Variants in NOXO1 observed in about 807,000 individuals in gnomAD.
NOXO1 encodes NADPH oxidase organizer 1.
In NOXO1, 38 loss-of-function variants were observed where a neutral mutation model predicts 33.3. The observed-to-expected ratio is 1.14, with a 90% CI of 0.88 to 1.50. The LOEUF is 1.50. Among genes scored for constraint, NOXO1 ranks in the 40% most tolerant of loss-of-function variants. The probability of loss-of-function intolerance (pLI) is 0.00; values close to 1 mark genes in which losing one functional copy is unlikely to be tolerated. For synonymous variants in NOXO1, 302 were observed against 237.3 expected, an observed-to-expected ratio of 1.27 and a Z score of -2.51; for missense variants, 675 against 527.1, an observed-to-expected ratio of 1.28 and a Z score of -2.75.
chr16:1,978,955 G>T lies in NOXO1; in HGVS notation c.*97C>A. The T allele has an allele frequency of 1.3e-5, 16 of 1,250,278 alleles. No homozygotes were observed. The highest frequency in any genetic ancestry group is 1.5e-5 in the Non-Finnish European group (14 of 912,742). 77.4% of individuals were successfully genotyped at this position (1,250,278 alleles called of 1,614,324 possible). The stretch of plus-strand genomic sequence containing the variant: ...GCTTTACTCAGAGGAACAGCAAATG[G>T]CCCCCTCCCATCCCTGCTGGCCAGG... On this transcript the variant is annotated 3_prime_UTR_variant, in exon 8 of 8. Coordinates refer to ENST00000356120, the MANE Select transcript of NOXO1 (RefSeq NM_172167.3).
At chr16:1,979,715 C>G (rs1371593975) in intron 6 of NOXO1, 75 bp downstream of exon 6, 1 of 1,294,902 alleles carries the variant, frequency 7.7e-7, no homozygotes, top group Non-Finnish European at 1.0e-6. Context: ...CCGCCCTGCC[C>G]GCGGTGCTTC....
In NOXO1 at chr16:1,979,322, G is replaced by A. The variant is rs747996347; in HGVS notation, c.846C>T (p.Pro282=). The A allele has an allele frequency of 1.1e-5, 18 of 1,574,230 alleles. No homozygotes were observed. Among genetic ancestry groups the A allele is most frequent in the South Asian group, 9.1e-5 (8 of 87,664 alleles). Reference sequence around the variant, plus strand: ...GCCCTTCCGGCCGCAGCAGCACCGCGGGGAGTAGGCCCGCCCGGTCGCCGT... The same window carrying A: ...GCCCTTCCGGCCGCAGCAGCACCGCAGGGAGTAGGCCCGCCCGGTCGCCGT... ...CRYGDRAGLL[P]AVLLRPEGLG... is the part of the protein sequence containing the mutation. The change falls in exon 8 of 8, where the codon CCC becomes CCT. Residue 282 remains proline (P), a synonymous_variant. Coordinates refer to ENST00000356120, the MANE Select transcript of NOXO1 (RefSeq NM_172167.3).
rs2083458151 is a variant in NOXO1, at chr16:1,979,704, C to T, written c.700+86G>A. 2.4e-6 allele frequency: 3 copies of T among 1,252,272 alleles called. No individual in the cohort carries two copies. The Admixed American group carries it at 7.4e-5, about 31-fold the overall frequency. The allele number at this position is 1,252,272 out of a possible 1,614,324, so 77.6% of individuals were successfully genotyped here. On this transcript the variant is annotated intron_variant, in intron 6 of 7. Coordinates refer to ENST00000356120, the MANE Select transcript of NOXO1 (RefSeq NM_172167.3). ...GCGGAGACCAAGCACGGGCTCCTGGCCCGCCCTGCCCGCGGTGCTTCTGGC... is the reference window on the plus strand; with the variant it reads ...GCGGAGACCAAGCACGGGCTCCTGGTCCGCCCTGCCCGCGGTGCTTCTGGC...
In NOXO1 at chr16:1,979,538, G is replaced by A; in HGVS notation, c.705C>T (p.Pro235=). The A allele has an allele frequency of 1.2e-6, 2 of 1,608,622 alleles. No individual in the cohort carries two copies. The highest frequency in any genetic ancestry group is 1.7e-6 in the Non-Finnish European group (2 of 1,177,312). ...CGTAGGCGCGGGAAGCACAGAACTG[G>A]GGACCTGGTGGGAGTGGGTGTTTGG... ...EGGPSLGSSG[P]QFCASRAYES... The change falls in exon 7 of 8, where the codon CCC becomes CCT. Residue 235 remains proline (P), a synonymous_variant. Coordinates refer to ENST00000356120, the MANE Select transcript of NOXO1 (RefSeq NM_172167.3).
rs1415444036 is a variant in NOXO1 at position 1,979,774 on chromosome 16, G to A, written c.700+16C>T. On this transcript the variant is annotated intron_variant, in intron 6 of 7. Transcript: ENST00000356120. Reference sequence around the variant, plus strand: ...AAGCCGCAGTGGTGGCGTGAGGGGTGGGGTTAGGCGCATACCGCTGCTCCC... The same window carrying A: ...AAGCCGCAGTGGTGGCGTGAGGGGTAGGGTTAGGCGCATACCGCTGCTCCC... 1.3e-6 allele frequency: 2 copies of A among 1,497,872 alleles called. No individual in the cohort carries two copies. Among genetic ancestry groups the A allele is most frequent in the Non-Finnish European group, 1.8e-6 (2 of 1,114,434 alleles). 92.8% of individuals were successfully genotyped at this position (1,497,872 alleles called of 1,614,324 possible).
rs1398583932 is a variant in NOXO1 at position 1,981,331 on chromosome 16, C to A, written c.-152G>T. The A allele has an allele frequency of 2.1e-6, 3 of 1,444,904 alleles. No individual in the cohort carries two copies. The highest frequency in any genetic ancestry group is 2.9e-5 in the South Asian group (2 of 69,336). The allele number at this position is 1,444,904 out of a possible 1,614,324, so 89.5% of individuals were successfully genotyped here. A position where few individuals can be genotyped will look rare whatever the true frequency, so the allele number is the denominator to read the frequency against. On this transcript the variant is annotated 5_prime_UTR_variant, in exon 1 of 8. Transcript: ENST00000356120. ...TGGGGTCCTTGTGGAGCCGCCCCAG[C>A]TGAGTCCTTTGCAGCTTTCTTGCTG...
In NOXO1 at chr16:1,979,477, C is replaced by CCGCGGGCACGGACAGCT. The variant is rs774320338; in HGVS notation, c.749_765dup (p.Gly256SerfsTer46). On this transcript the variant is annotated frameshift_variant, in exon 7 of 8. Transcript: ENST00000356120. LOFTEE classifies it high-confidence loss of function. ...GTTTCCAACACGCGCACGCGCGCCCCCGCGGGCACGGACAGCTCATCTGCG... is the reference window on the plus strand; with the variant it reads ...GTTTCCAACACGCGCACGCGCGCCCCCGCGGGCACGGACAGCTCGCGGGCACGGACAGCTCATCTGCG... 6.2e-7 allele frequency: 1 copy of CCGCGGGCACGGACAGCT among 1,611,962 alleles called. No individual in the cohort carries two copies. Among genetic ancestry groups the CCGCGGGCACGGACAGCT allele is most frequent in the Non-Finnish European group, 8.5e-7 (1 of 1,179,564 alleles).
chr16:1,980,157 C>T lies in NOXO1; in HGVS notation c.426G>A (p.Glu142=), dbSNP rs898390107. The change falls in exon 5 of 8, where the codon GAG becomes GAA. Residue 142 remains glutamate, a synonymous_variant. Transcript: ENST00000356120. ...CCGCAGCGCGAGAAAGAGGCTGCTC[C>T]TCTGGGGTGGGCAGGATCACCCGGC... is the stretch of plus-strand genomic sequence containing the variant. The part of the protein sequence containing the change: ...PGSRVILPTP[E]EQPLSRAAGR... 4 of 1,604,220 alleles carry T rather than the reference C, an allele frequency of 2.5e-6. No individual in the cohort carries two copies. The highest frequency in any genetic ancestry group is 1.3e-5 in the African/African-American group (1 of 74,858).
At position 1,980,397 on chromosome 16, in the gene NOXO1, A is replaced by G. The variant is rs760731606; in HGVS notation, c.371T>C (p.Leu124Pro). The change falls in exon 4 of 8, where the codon CTG becomes CCG. Residue 124 changes from leucine (L) to proline (P), a missense_variant. Leu to Pro is a moderately conservative substitution (Grantham distance 98). Coordinates refer to ENST00000356120, the MANE Select transcript of NOXO1 (RefSeq NM_172167.3). ...GGGTGGCAGCGCGGGCTCCAGGTCC[A>G]GGGGTTGCGGTGCGAAGAAGCCAGT... ...TITGFFAPQP[L>P]DLEPALPPGS... The G allele has an allele frequency of 2.5e-6, 4 of 1,602,886 alleles. No homozygotes were observed. The highest frequency in any genetic ancestry group is 3.4e-6 in the Non-Finnish European group (4 of 1,179,734).
Position 1,979,312 on chromosome 16 carries a change from G to C in NOXO1, c.856C>G (p.Leu286Val), listed in dbSNP as rs202024453. ...AGAGCGCCCAGCCCTTCCGGCCGCA[G>C]CAGCACCGCGGGGAGTAGGCCCGCC... is the stretch of plus-strand genomic sequence containing the variant. ...DRAGLLPAVL[L>V]RPEGLGALLS... Residue 286 changes from leucine (L) to valine (V), a missense_variant, in exon 8 of 8, where the codon CTG becomes GTG. Leu to Val is a conservative substitution (Grantham distance 32). Coordinates refer to ENST00000356120, the MANE Select transcript of NOXO1 (RefSeq NM_172167.3). The C allele has an allele frequency of 4.0e-3, 6,294 of 1,572,220 alleles. 22 individuals carry two copies. Among genetic ancestry groups the C allele is most frequent in the Non-Finnish European group, 5.2e-3 (6,032 of 1,166,652 alleles).
rs749378489 is a variant in NOXO1, at chr16:1,979,531, A to C, written c.712T>G (p.Cys238Gly). The change falls in exon 7 of 8, where the codon TGT becomes GGT. Residue 238 changes from cysteine (C) to glycine (G), a missense_variant. Physicochemically the swap from Cys to Gly is radical, Grantham distance 159 (BLOSUM62 -3). Transcript: ENST00000356120. ...CTGCTCTCGTAGGCGCGGGAAGCACAGAACTGGGGACCTGGTGGGAGTGGG... is the reference window on the plus strand; with the variant it reads ...CTGCTCTCGTAGGCGCGGGAAGCACCGAACTGGGGACCTGGTGGGAGTGGG... ...PSLGSSGPQF[C>G]ASRAYESSRA... 6.2e-7 allele frequency: 1 copy of C among 1,610,080 alleles called. No individual in the cohort carries two copies. Among genetic ancestry groups the C allele is most frequent in the South Asian group, 1.1e-5 (1 of 90,774 alleles).
At chr16:1,979,697 C>T (rs1323165861) in intron 6 of NOXO1, 93 bp downstream of exon 6, 3 of 1,227,962 alleles carry the variant, frequency 2.4e-6, no homozygotes, top group Non-Finnish European at 3.4e-6. Flanking sequence ...CAAGCACGGG[C>T]TCCTGGCCCG....
chr16:1,980,456 C>G lies in NOXO1; in HGVS notation c.312G>C (p.Ala104=). 2 of 1,601,880 alleles carry G rather than the reference C, an allele frequency of 1.2e-6. No homozygotes were observed. The highest frequency in any genetic ancestry group is 1.7e-6 in the Non-Finnish European group (2 of 1,179,858). Residue 104 remains alanine, a synonymous_variant, in exon 4 of 8, where the codon GCG becomes GCC. Transcript: ENST00000356120. Reference sequence around the variant, plus strand: ...GGCTCCGTGCCACGCGCTCTGCAGTCGCCAGCAGCCTCCGAGAATAGGTTT... The same window carrying G: ...GGCTCCGTGCCACGCGCTCTGCAGTGGCCAGCAGCCTCCGAGAATAGGTTT... The part of the protein sequence containing the change: ...LLETYSRRLL[A]TAERVARSPT...
Position 1,979,413 on chromosome 16 carries a change from G to C in NOXO1, c.818+12C>G. The stretch of plus-strand genomic sequence containing the variant: ...CGGCTAGCCTGCCCTGCCCACGCCC[G>C]CTCCCGCGTACCTGCATAGCCACCA... On this transcript the variant is annotated intron_variant, in intron 7 of 7. Transcript: ENST00000356120. 6.2e-7 allele frequency: 1 copy of C among 1,604,236 alleles called. No homozygotes were observed. Among genetic ancestry groups the C allele is most frequent in the Admixed American group, 1.7e-5 (1 of 59,782 alleles).
At chr16:1,979,391 C>T (rs777551585) in intron 7 of NOXO1, 34 bp downstream of exon 7, 3 of 1,597,102 alleles carry the variant, frequency 1.9e-6, no homozygotes, top group Non-Finnish European at 2.6e-6. Context: ...CCCGCCTCGG[C>T]TAGCCTGCCC....
rs776291285 is a variant in NOXO1, at chr16:1,979,338, C to G, written c.830G>C (p.Arg277Pro). The change falls in exon 8 of 8, where the codon CGG (arginine) becomes CCG (proline). Residue 277 changes from arginine to proline, a missense_variant. By Grantham distance (103) the Arg-to-Pro change is moderately radical (BLOSUM62 -2). Transcript: ENST00000356120. ...RGWWLCRYGD[R>P]AGLLPAVLLR... ...CAGCACCGCGGGGAGTAGGCCCGCC[C>G]GGTCGCCGTACCTGCGAGGGGCGGG... The G allele has an allele frequency of 3.8e-6, 6 of 1,575,384 alleles. No homozygotes were observed. Among genetic ancestry groups the G allele is most frequent in the Admixed American group, 1.7e-5 (1 of 57,528 alleles).
intron 4 of NOXO1, 70 bp downstream of exon 4, chr16:1,980,297 C>A: frequency 6.6e-7 from 1 of 1,521,108 alleles, no homozygotes; most frequent in Non-Finnish European, 8.8e-7. Flanking sequence ...GCTGGCTGTT[C>A]CCCCCCACCC....
chr16:1,980,490 T>A lies in NOXO1; in HGVS notation c.278A>T (p.Gln93Leu). ...CCTCCGAGAATAGGTTTCCAACAGCTGCAGGCGCGCCAGGCCGCGGCTCGT... is the reference window on the plus strand; with the variant it reads ...CCTCCGAGAATAGGTTTCCAACAGCAGCAGGCGCGCCAGGCCGCGGCTCGT... ...GRTSRGLARL[Q>L]LLETYSRRLL... is the part of the protein sequence containing the mutation. The change falls in exon 4 of 8, where the codon CAG becomes CTG. Residue 93 changes from glutamine to leucine, a missense_variant. Physicochemically the swap from Gln to Leu is moderately radical, Grantham distance 113. Transcript: ENST00000356120. 1 of 1,602,846 alleles carries A rather than the reference T, an allele frequency of 6.2e-7. No homozygotes were observed. The highest frequency in any genetic ancestry group is 8.5e-7 in the Non-Finnish European group (1 of 1,179,654).
At position 1,979,524 on chromosome 16, in the gene NOXO1, G is replaced by C. The variant is rs996102638; in HGVS notation, c.719C>G (p.Ser240Cys). Reference protein sequence around the residue: ...LGSSGPQFCASRAYESSRADE... With the variant: ...LGSSGPQFCACRAYESSRADE... Reference sequence around the variant, plus strand: ...TGCGCGGCTGCTCTCGTAGGCGCGGGAAGCACAGAACTGGGGACCTGGTGG... The same window carrying C: ...TGCGCGGCTGCTCTCGTAGGCGCGGCAAGCACAGAACTGGGGACCTGGTGG... The change falls in exon 7 of 8, where the codon TCC becomes TGC. Residue 240 changes from serine to cysteine, a missense_variant. Coordinates refer to ENST00000356120, the MANE Select transcript of NOXO1 (RefSeq NM_172167.3). 3.1e-6 allele frequency: 5 copies of C among 1,611,156 alleles called. No individual in the cohort carries two copies. In the Admixed American group the frequency reaches 5.0e-5, roughly 16 times the overall value.
Sources: gnomAD v4.1 joint callset for allele counts on GRCh38, gnomAD v4.1.1 for gene constraint, MANE v1.5 for transcripts, NCBI Gene and HGNC (gene_info 2026-07-23, HGNC 2026-07-21) for gene names.